RASEF: variants seen among roughly 807,000 people sequenced by gnomAD.
The protein encoded by RASEF is RAS and EF-hand domain containing, also known as ras and EF-hand domain-containing protein.
A neutral mutation model predicts 90.1 loss-of-function variants in RASEF; 68 were observed. The ratio of observed to expected loss-of-function variants is 0.75; its 90% CI spans 0.62 to 0.92. The LOEUF (loss-of-function observed/expected upper bound fraction) is 0.92, where lower values mean the gene tolerates loss of function less well. RASEF is among the 40% of genes least tolerant of loss of function. RASEF has a pLI of 0.00. For missense variants in RASEF, 949 were observed against 937.2 expected (o/e 1.01, Z -0.16); for synonymous variants, 331 against 345.2 (o/e 0.96, Z 0.46).
the RASEF span, among the ~76,000 whole-genome samples, chr9:83,161,832 G>T: frequency 6.6e-6 from 1 of 151,960 alleles, no homozygotes. Flanking sequence ...ATGATAGTGA[G>T]TCTTAGGAGA....
chr9:83,049,525 CTTCCTT>C (rs1212548141), intron 1 of RASEF, among the ~76,000 whole-genome samples: 4 of 127,676 alleles, frequency 3.1e-5, no homozygotes, highest in Non-Finnish European at 6.4e-5. Flanking sequence ...ACCTTTCTGC[CTTCCTT>C]TTTTTTTTTT....
chr9:82,983,151 A>ACACACACACAC (rs1289508160), intron 16 of RASEF, among the ~76,000 whole-genome samples: 1 of 125,502 alleles, frequency 8.0e-6, no homozygotes, highest in African/African-American at 2.8e-5. Context: ...ACACACACAC[A>ACACACACACAC]CACACCCTTC....
In RASEF at chr9:83,044,732, A is replaced by T. The variant is rs58387961; in HGVS notation, c.431+17705T>A. ...ACTTTCTTAGTGGCTATGATGGTGAATTTTATTTATGTCAACTTGTCTAGG... is the reference window on the plus strand; with the variant it reads ...ACTTTCTTAGTGGCTATGATGGTGATTTTTATTTATGTCAACTTGTCTAGG... On this transcript the variant is annotated intron_variant, in intron 1 of 16. Coordinates refer to ENST00000376447, the MANE Select transcript of RASEF (RefSeq NM_152573.4). 3.9e-5 allele frequency among the ~76,000 whole-genome samples: 6 copies of T among 152,244 alleles called. 1 individual carries two copies. The highest frequency in any genetic ancestry group is 3.4e-3 in the Middle Eastern group (1 of 292).
the RASEF span, among the ~76,000 whole-genome samples, chr9:83,118,433 G>A: frequency 2.8e-4 from 42 of 152,258 alleles, no homozygotes; most frequent in South Asian, 5.0e-3. Context: ...ATCAACTTTC[G>A]GATGAAGGGG....
the RASEF span, among the ~76,000 whole-genome samples, chr9:83,198,833 T>C: frequency 8.6e-6 from 1 of 115,636 alleles, no homozygotes; most frequent in Non-Finnish European, 1.9e-5. Context: ...ATAAATAGAA[T>C]GGGGGGGAGG....
the RASEF span, among the ~76,000 whole-genome samples, chr9:83,109,272 A>G: frequency 1.3e-5 from 2 of 152,218 alleles, no homozygotes; most frequent in African/African-American, 4.8e-5. Flanking sequence ...TATAAAAACA[A>G]AAGTCATTAT....
At chr9:83,214,261 G>A in the RASEF span, among the ~76,000 whole-genome samples, 1 of 152,152 alleles carries the variant, frequency 6.6e-6, no homozygotes, top group East Asian at 1.9e-4. Context: ...GTGTGCATCT[G>A]TAATCTCAGC....
At chr9:83,069,306 C>G in the RASEF span, among the ~76,000 whole-genome samples, 1 of 152,122 alleles carries the variant, frequency 6.6e-6, no homozygotes. Flanking sequence ...GCCAAAATTG[C>G]CATTGACCCC....
chr9:82,985,732 A>G (rs1430671620), intron 16 of RASEF, among the ~76,000 whole-genome samples: 2 of 152,202 alleles, frequency 1.3e-5, no homozygotes, highest in Non-Finnish European at 2.9e-5. Context: ...AAAAAGGGAG[A>G]AAGCGAGAAA....
chr9:83,075,786 C>A, the RASEF span, among the ~76,000 whole-genome samples: 1 of 151,654 alleles, frequency 6.6e-6, no homozygotes, highest in Non-Finnish European at 1.5e-5. Flanking sequence ...TTAAAATATT[C>A]ATCTATATTT....
chr9:83,058,245 C>A (rs1277764165), intron 1 of RASEF, among the ~76,000 whole-genome samples: 1 of 131,912 alleles, frequency 7.6e-6, no homozygotes, highest in African/African-American at 3.1e-5. Context: ...TGCAGTGGCG[C>A]GATCTCGGCT....
At chr9:83,057,963 G>C (rs1192116290) in intron 1 of RASEF, among the ~76,000 whole-genome samples, 1 of 150,244 alleles carries the variant, frequency 6.7e-6, no homozygotes, top group Non-Finnish European at 1.5e-5. Context: ...GAAAAGAGCT[G>C]ATTTACCTCT....
At chr9:83,092,253 G>A in the RASEF span, among the ~76,000 whole-genome samples, 1 of 151,984 alleles carries the variant, frequency 6.6e-6, no homozygotes, top group Non-Finnish European at 1.5e-5. Context: ...CCAAATTCCA[G>A]ATAAAAATGT....
the RASEF span, among the ~76,000 whole-genome samples, chr9:83,085,824 C>T: frequency 6.6e-6 from 1 of 151,898 alleles, no homozygotes; most frequent in South Asian, 2.1e-4. Context: ...ACTCGGTGGG[C>T]TAAGACAGAA....
the RASEF span, among the ~76,000 whole-genome samples, chr9:83,093,359 C>T: frequency 1.3e-5 from 2 of 152,146 alleles, no homozygotes; most frequent in Non-Finnish European, 2.9e-5. Context: ...TGGCACTTGT[C>T]GGGGAGGCTC....
At chr9:83,161,584 G>A in the RASEF span, among the ~76,000 whole-genome samples, 1 of 152,054 alleles carries the variant, frequency 6.6e-6, no homozygotes, top group African/African-American at 2.4e-5. Context: ...TTGGACTGTG[G>A]ACTTTTGAGT....
At chr9:83,082,335 G>T in the RASEF span, among the ~76,000 whole-genome samples, 5 of 152,112 alleles carry the variant, frequency 3.3e-5, no homozygotes, top group Admixed American at 2.0e-4. Context: ...CACTACCATT[G>T]GTATCCCAGG....
At chr9:83,125,446 C>G in the RASEF span, among the ~76,000 whole-genome samples, 1 of 152,178 alleles carries the variant, frequency 6.6e-6, no homozygotes, top group Non-Finnish European at 1.5e-5. Flanking sequence ...CGGAATATGG[C>G]AATTAGTTAT....
At chr9:83,203,406 G>A in the RASEF span, among the ~76,000 whole-genome samples, 1 of 151,940 alleles carries the variant, frequency 6.6e-6, no homozygotes, top group Non-Finnish European at 1.5e-5. Flanking sequence ...CTCCCAAACA[G>A]CTGGGATTAC....
Sources: gnomAD v4.1 joint callset for allele counts (sites outside exome capture counted in the v4.1 genomes callset) on GRCh38, gnomAD v4.1.1 for gene constraint, MANE v1.5 for transcripts, NCBI Gene and HGNC (gene_info 2026-07-23, HGNC 2026-07-21) for gene names.